FHIT: variants seen among roughly 807,000 people sequenced by gnomAD.
The protein encoded by FHIT is bis(5'-adenosyl)-triphosphatase.
In FHIT, 19 loss-of-function variants were observed where a neutral mutation model predicts 17.9. That is an observed-to-expected ratio of 1.06 (90% CI 0.74 to 1.56). The LOEUF (loss-of-function observed/expected upper bound fraction) is 1.56, where lower values mean the gene tolerates loss of function less well. Among genes scored for constraint, FHIT ranks in the 40% most tolerant of loss-of-function variants. The pLI is 0.00. For missense variants in FHIT, 248 were observed against 189.2 expected (o/e 1.31, Z -1.82); for synonymous variants, 81 against 69.7 (o/e 1.16, Z -0.81).
At chr3:60,477,015 TAC>T (rs2033380264) in intron 5 of FHIT, among the ~76,000 whole-genome samples, 1 of 152,130 alleles carries the variant, frequency 6.6e-6, no homozygotes, top group Admixed American at 6.5e-5. Flanking sequence ...AGTACGTATA[TAC>T]AGTTTCGTTT....
intron 1 of FHIT, among the ~76,000 whole-genome samples, chr3:61,208,932 C>T (rs1233783314): frequency 1.6e-4 from 24 of 152,024 alleles, no homozygotes; most frequent in Admixed American, 1.6e-3. Context: ...TAAAATTTGG[C>T]ATGTTTTTGC....
rs111736253 is a variant in FHIT, at chr3:60,093,133, C to A, written c.104-78981G>T. 5.4e-3 allele frequency among the ~76,000 whole-genome samples: 822 copies of A among 152,256 alleles called. 7 individuals carry two copies. The highest frequency in any genetic ancestry group is 0.019 in the African/African-American group (780 of 41,552). ...CAAACCACACCACTTTCTTATCTTG[C>A]TCTTCTGGAAGTTGGGGGTCTGACA... On this transcript the variant is annotated intron_variant, in intron 5 of 9. Transcript: ENST00000492590.
At chr3:60,906,454 G>T (rs566519888) in intron 3 of FHIT, among the ~76,000 whole-genome samples, 5 of 152,110 alleles carry the variant, frequency 3.3e-5, no homozygotes, top group African/African-American at 9.7e-5. Flanking sequence ...ATCGCCTAGC[G>T]GCAATGGCAC....
chr3:60,632,770 G>T (rs782476630), intron 4 of FHIT, among the ~76,000 whole-genome samples: 1 of 151,866 alleles, frequency 6.6e-6, no homozygotes, highest in Non-Finnish European at 1.5e-5. Context: ...CATTGTCACC[G>T]AGGAAAGGGT....
At chr3:60,933,200 CT>C (rs1181212100) in intron 3 of FHIT, among the ~76,000 whole-genome samples, 3 of 152,084 alleles carry the variant, frequency 2.0e-5, no homozygotes, top group Non-Finnish European at 4.4e-5. Flanking sequence ...CTCAGTTTTT[CT>C]TTGTAAAAAT....
At chr3:59,974,503 A>G (rs1708324370) in intron 7 of FHIT, among the ~76,000 whole-genome samples, 1 of 152,150 alleles carries the variant, frequency 6.6e-6, no homozygotes. Context: ...CAAGCATGAG[A>G]AACAAACACA....
Position 60,603,455 on chromosome 3 carries a change from T to G in FHIT, c.-17-66476A>C, listed in dbSNP as rs562849190. ...TTTACTATCTTCCTATCTGTACATG[T>G]GTATTAAGAGATGTTTAGAACGATG... On this transcript the variant is annotated intron_variant, in intron 4 of 9. Coordinates refer to ENST00000492590, the MANE Select transcript of FHIT (RefSeq NM_002012.4). Among the ~76,000 whole-genome samples the G allele has an allele frequency of 7.9e-5, 12 of 152,256 alleles. No individual in the cohort carries two copies. The South Asian group carries it at 2.5e-3, about 32-fold the overall frequency.
chr3:60,270,959 T>A (rs1706830276), intron 5 of FHIT, among the ~76,000 whole-genome samples: 1 of 152,154 alleles, frequency 6.6e-6, no homozygotes, highest in South Asian at 2.1e-4. Flanking sequence ...TCAAACTAGA[T>A]AAACCGAAAT....
intron 2 of FHIT, among the ~76,000 whole-genome samples, chr3:61,084,754 A>G (rs2035253317): frequency 6.6e-6 from 1 of 152,168 alleles, no homozygotes; most frequent in South Asian, 2.1e-4. Context: ...TTATACAACC[A>G]TCACCTCTAC....
At chr3:59,938,432 G>A (rs1217298588) in intron 7 of FHIT, among the ~76,000 whole-genome samples, 3 of 152,108 alleles carry the variant, frequency 2.0e-5, no homozygotes, top group Admixed American at 2.0e-4. Context: ...ACAGGTCAGA[G>A]AATAGTAAGC....
At chr3:59,961,489 T>C (rs1315034499) in intron 7 of FHIT, among the ~76,000 whole-genome samples, 1 of 152,202 alleles carries the variant, frequency 6.6e-6, no homozygotes, top group African/African-American at 2.4e-5. Flanking sequence ...TAGCTCAGTG[T>C]CTGTCCAAAT....
At chr3:61,025,692 G>C (rs529572184) in intron 3 of FHIT, among the ~76,000 whole-genome samples, 1 of 151,952 alleles carries the variant, frequency 6.6e-6, no homozygotes, top group Non-Finnish European at 1.5e-5. Context: ...AGGGAGAAAA[G>C]TAAGAAATGG....
intron 5 of FHIT, among the ~76,000 whole-genome samples, chr3:60,359,277 CTTTTTTT>C (rs71089599): frequency 4.5e-5 from 5 of 109,908 alleles, no homozygotes; most frequent in Admixed American, 1.0e-4. Flanking sequence ...ATGAAAATAT[CTTTTTTT>C]TTTTTTTTTT....
At chr3:59,836,305 C>A (rs1701338422) in intron 8 of FHIT, among the ~76,000 whole-genome samples, 1 of 152,168 alleles carries the variant, frequency 6.6e-6, no homozygotes, top group Non-Finnish European at 1.5e-5. Flanking sequence ...TTTGTGACTG[C>A]TGCACAAGGA....
intron 4 of FHIT, among the ~76,000 whole-genome samples, chr3:60,741,280 T>A (rs945658982): frequency 4.6e-5 from 7 of 152,188 alleles, no homozygotes; most frequent in Non-Finnish European, 8.8e-5. Context: ...TACTGTGTTG[T>A]GCCAAGTTAT....
intron 3 of FHIT, among the ~76,000 whole-genome samples, chr3:60,857,609 C>A (rs1703442808): frequency 6.6e-6 from 1 of 152,182 alleles, no homozygotes; most frequent in Non-Finnish European, 1.5e-5. Flanking sequence ...CTTTATTGTT[C>A]TGCCCATCAA....
intron 7 of FHIT, among the ~76,000 whole-genome samples, chr3:59,930,624 C>G (rs1705924363): frequency 6.6e-6 from 1 of 152,072 alleles, no homozygotes; most frequent in African/African-American, 2.4e-5. Context: ...TTATCTGTTT[C>G]TATGTTGGGA....
intron 2 of FHIT, among the ~76,000 whole-genome samples, chr3:61,179,325 T>C (rs1396404322): frequency 6.6e-6 from 1 of 152,074 alleles, no homozygotes; most frequent in African/African-American, 2.4e-5. Context: ...CATTATTTCT[T>C]AAACACAAAA....
chr3:60,650,113 AGTCT>A (rs1553687893), intron 4 of FHIT, among the ~76,000 whole-genome samples: 6 of 152,310 alleles, frequency 3.9e-5, no homozygotes, highest in African/African-American at 1.4e-4. Context: ...CCTAAAATAC[AGTCT>A]GTCTTCTATT....
Sources: gnomAD v4.1 joint callset for allele counts (sites outside exome capture counted in the v4.1 genomes callset) on GRCh38, gnomAD v4.1.1 for gene constraint, MANE v1.5 for transcripts, NCBI Gene and HGNC (gene_info 2026-07-23, HGNC 2026-07-21) for gene names.